GRIK1: variants seen among roughly 807,000 people sequenced by gnomAD.
GRIK1 encodes glutamate ionotropic receptor kainate type subunit 1, also known as glutamate receptor ionotropic, kainate 1.
In GRIK1, 69 loss-of-function variants were observed where a neutral mutation model predicts 105.7. That is an observed-to-expected ratio of 0.65 (90% CI 0.54 to 0.80). The LOEUF (loss-of-function observed/expected upper bound fraction) is 0.80, where lower values mean the gene tolerates loss of function less well. GRIK1 is among the 30% of genes least tolerant of loss of function. The pLI is 0.00. For synonymous variants in GRIK1, 438 were observed against 431.3 expected (o/e 1.02, Z -0.19); for missense variants, 1,109 against 1,167.3 (o/e 0.95, Z 0.73).
chr21:29,560,574 TTC>T (rs757906994), intron 15 of GRIK1, among the ~76,000 whole-genome samples: 2 of 124,106 alleles, frequency 1.6e-5, no homozygotes, highest in South Asian at 2.4e-4. Flanking sequence ...CTTTCTTTCT[TTC>T]TCTCTTTCTT....
At chr21:29,739,880 A>G (rs2064883554) in intron 1 of GRIK1, among the ~76,000 whole-genome samples, 1 of 152,178 alleles carries the variant, frequency 6.6e-6, no homozygotes, top group African/African-American at 2.4e-5. Context: ...TTTCTCTTTG[A>G]ACTTCTTCCA....
chr21:29,609,583 C>T (rs868070699), intron 7 of GRIK1, among the ~76,000 whole-genome samples: 15 of 152,166 alleles, frequency 9.9e-5, no homozygotes, highest in African/African-American at 3.4e-4. Flanking sequence ...GGGCATCATC[C>T]AGTCCAATCT....
intron 4 of GRIK1, among the ~76,000 whole-genome samples, chr21:29,660,199 C>A (rs1015812214): frequency 1.8e-4 from 28 of 152,144 alleles, no homozygotes; most frequent in African/African-American, 6.5e-4. Flanking sequence ...CTTAGTCTAG[C>A]CTAGTTGTTC....
At chr21:29,848,779 A>ATATTTTTTTTTTTTT in intron 1 of GRIK1, among the ~76,000 whole-genome samples, 4 of 77,884 alleles carry the variant, frequency 5.1e-5, no homozygotes, top group Admixed American at 1.7e-4. Flanking sequence ...ATATATATAT[A>ATATTTTTTTTTTTTT]TTTTTTTTTT....
intron 1 of GRIK1, among the ~76,000 whole-genome samples, chr21:29,877,112 G>A (rs1209586018): frequency 6.6e-6 from 1 of 152,092 alleles, no homozygotes; most frequent in Non-Finnish European, 1.5e-5. Context: ...CATATGCCAT[G>A]ACAAAGATCA....
chr21:29,819,860 C>T (rs796345198), intron 1 of GRIK1, among the ~76,000 whole-genome samples: 9 of 152,112 alleles, frequency 5.9e-5, no homozygotes, highest in African/African-American at 1.9e-4. Context: ...AACATTCTCC[C>T]ACCCCCACTG....
intron 1 of GRIK1, among the ~76,000 whole-genome samples, chr21:29,933,747 C>A (rs372262575): frequency 5.3e-5 from 8 of 151,998 alleles, no homozygotes; most frequent in Admixed American, 4.6e-4. Context: ...CTATAGATAA[C>A]AAAATGGAGG....
chr21:29,689,639 C>T (rs2063547421), intron 3 of GRIK1, 89 bp downstream of exon 3: 2 of 1,121,536 alleles, frequency 1.8e-6, no homozygotes, highest in Non-Finnish European at 2.7e-6. Flanking sequence ...TTTTATGCTC[C>T]ATCTGATGAG....
chr21:29,561,550 T>C (rs1236506559), intron 15 of GRIK1, 74 bp downstream of exon 15: 2 of 946,756 alleles, frequency 2.1e-6, no homozygotes, highest in African/African-American at 3.2e-5. Context: ...AATAAAGAAC[T>C]CTGAGCCCAT....
At chr21:29,924,657 C>A (rs2071299421) in intron 1 of GRIK1, among the ~76,000 whole-genome samples, 1 of 152,088 alleles carries the variant, frequency 6.6e-6, no homozygotes, top group South Asian at 2.1e-4. Context: ...TCTCCCCCGA[C>A]CTTTTTTGTT....
chr21:29,777,622 G>C (rs1434555269), intron 1 of GRIK1, among the ~76,000 whole-genome samples: 1 of 152,154 alleles, frequency 6.6e-6, no homozygotes, highest in Non-Finnish European at 1.5e-5. Context: ...GGCAAGCAGG[G>C]AACGAATATC....
rs187681948 is a variant in GRIK1, at chr21:29,601,548, C to T, written c.1099-2611G>A. On this transcript the variant is annotated intron_variant, in intron 7 of 17. Coordinates refer to ENST00000327783, the MANE Select transcript of GRIK1 (RefSeq NM_001330994.2). ...CCCCTATGCACAGCCCCAGCTGGAA[C>T]AGGCCTGGGCTCTCCAGCCTCTGTG... 2.7e-3 allele frequency among the ~76,000 whole-genome samples: 410 copies of T among 152,340 alleles called. 3 individuals carry two copies. Among genetic ancestry groups the T allele is most frequent in the African/African-American group, 9.4e-3 (391 of 41,576 alleles).
In GRIK1 at chr21:29,561,664, GC is replaced by G; in HGVS notation, c.2315del (p.Gly772AlafsTer37). 1 of 1,613,800 alleles carries G rather than the reference GC, an allele frequency of 6.2e-7. No homozygotes were observed. Among genetic ancestry groups the G allele is most frequent in the Non-Finnish European group, 8.5e-7 (1 of 1,179,752 alleles). ...QRNCNLTQIG[G>X]LIDSKGYGVG... is the part of the protein sequence containing the mutation. Reference sequence around the variant, plus strand: ...CTCCGTAACCTTTGGAGTCAATGAGGCCCCCGATCTGAGTGAGGTTGCAGTT... The same window carrying G: ...CTCCGTAACCTTTGGAGTCAATGAGGCCCCGATCTGAGTGAGGTTGCAGTT... On this transcript the variant is annotated frameshift_variant, in exon 15 of 18. Transcript: ENST00000327783. LOFTEE classifies it high-confidence loss of function.
intron 16 of GRIK1, among the ~76,000 whole-genome samples, chr21:29,543,816 C>T (rs999415937): frequency 3.9e-5 from 6 of 152,316 alleles, no homozygotes; most frequent in East Asian, 1.9e-4. Flanking sequence ...CCAGCAGCCA[C>T]GTCTTGCCTG....
chr21:29,580,085 GTGTGTA>G (rs1568843491), intron 13 of GRIK1, among the ~76,000 whole-genome samples: 4 of 142,114 alleles, frequency 2.8e-5, no homozygotes. Context: ...ATGTATATGT[GTGTGTA>G]TATATATGTG....
At chr21:29,796,503 G>A (rs2066559227) in intron 1 of GRIK1, among the ~76,000 whole-genome samples, 1 of 151,746 alleles carries the variant, frequency 6.6e-6, no homozygotes, top group Admixed American at 6.6e-5. Flanking sequence ...ATATTCTATT[G>A]CGTATCATAT....
chr21:29,559,129 G>A (rs2090330580), intron 15 of GRIK1, among the ~76,000 whole-genome samples: 1 of 152,056 alleles, frequency 6.6e-6, no homozygotes, highest in Non-Finnish European at 1.5e-5. Context: ...TCTAGAGATG[G>A]TTCTATTAAG....
intron 11 of GRIK1, among the ~76,000 whole-genome samples, chr21:29,588,511 T>C (rs894510283): frequency 1.3e-5 from 2 of 152,142 alleles, no homozygotes; most frequent in Non-Finnish European, 2.9e-5. Flanking sequence ...TGTGATGAAG[T>C]GTCTTCTGCC....
chr21:29,791,895 T>C (rs996923743), intron 1 of GRIK1, among the ~76,000 whole-genome samples: 3 of 152,230 alleles, frequency 2.0e-5, no homozygotes, highest in African/African-American at 7.2e-5. Context: ...TTCATGATAC[T>C]ATAAATATAA....
Sources: gnomAD v4.1 joint callset for allele counts (sites outside exome capture counted in the v4.1 genomes callset) on GRCh38, gnomAD v4.1.1 for gene constraint, MANE v1.5 for transcripts, NCBI Gene and HGNC (gene_info 2026-07-23, HGNC 2026-07-21) for gene names.